Variants in CRIM1 observed in about 807,000 individuals in gnomAD.
The protein encoded by CRIM1 is cysteine rich transmembrane BMP regulator 1.
Under a neutral mutation model 116.4 loss-of-function variants are expected in CRIM1, and 32 were observed. The observed-to-expected ratio is 0.27, with a 90% CI of 0.21 to 0.37. CRIM1 has a LOEUF of 0.37. Among genes scored for constraint, CRIM1 ranks in the 10% least tolerant of loss-of-function variants. The pLI, the probability that CRIM1 is intolerant of heterozygous loss-of-function variation, is 1.00. For missense variants in CRIM1, 1,331 were observed against 1,354.8 expected (o/e 0.98, Z 0.28); for synonymous variants, 590 against 509.2 (o/e 1.16, Z -2.13).
chr2:36,524,221 A>C (rs1665599131), intron 13 of CRIM1, among the ~76,000 whole-genome samples: 1 of 152,038 alleles, frequency 6.6e-6, no homozygotes, highest in Non-Finnish European at 1.5e-5. Context: ...TCTGTACTCT[A>C]CCCCTAAGCT....
intron 2 of CRIM1, among the ~76,000 whole-genome samples, chr2:36,409,161 G>A (rs1340861878): frequency 6.6e-6 from 1 of 152,108 alleles, no homozygotes. Flanking sequence ...TCTTGTTGAA[G>A]GTTAATAGAG....
intron 3 of CRIM1, among the ~76,000 whole-genome samples, chr2:36,441,920 T>C (rs1313458740): frequency 6.6e-6 from 1 of 152,198 alleles, no homozygotes; most frequent in Non-Finnish European, 1.5e-5. Context: ...TATTTTTAGA[T>C]GAATACATGC....
chr2:36,422,645 AC>A (rs1674158634), intron 2 of CRIM1, among the ~76,000 whole-genome samples: 1 of 152,210 alleles, frequency 6.6e-6, no homozygotes, highest in Non-Finnish European at 1.5e-5. Context: ...CCTTAATGAT[AC>A]GATTCTTGAG....
At chr2:36,407,700 C>T (rs1052358572) in intron 2 of CRIM1, among the ~76,000 whole-genome samples, 2 of 124,842 alleles carry the variant, frequency 1.6e-5, no homozygotes, top group African/African-American at 3.4e-5. Context: ...TTCTTGTGCC[C>T]GTCAAAAAAA....
intron 1 of CRIM1, among the ~76,000 whole-genome samples, chr2:36,361,504 T>G (rs932867869): frequency 6.6e-6 from 1 of 151,966 alleles, no homozygotes; most frequent in African/African-American, 2.4e-5. Flanking sequence ...GGGGGATATA[T>G]TGTAGATGAA....
intron 13 of CRIM1, among the ~76,000 whole-genome samples, chr2:36,527,425 C>T (rs1306630371): frequency 6.6e-6 from 1 of 152,002 alleles, no homozygotes; most frequent in Non-Finnish European, 1.5e-5. Context: ...TACTAATATT[C>T]GAAGTGGGAC....
intron 7 of CRIM1, among the ~76,000 whole-genome samples, chr2:36,495,480 T>TA (rs1340135451): frequency 2.8e-5 from 4 of 142,866 alleles, no homozygotes; most frequent in South Asian, 2.2e-4. Flanking sequence ...TATTTATTTT[T>TA]TTTTTTTTTT....
intron 5 of CRIM1, among the ~76,000 whole-genome samples, chr2:36,474,383 A>C (rs574472498): frequency 2.6e-5 from 4 of 152,186 alleles, no homozygotes; most frequent in Admixed American, 2.6e-4. Flanking sequence ...ACATCTAAGA[A>C]ACCACTCCCT....
chr2:36,378,486 G>A (rs553533051), intron 1 of CRIM1: 2 of 453,288 alleles, frequency 4.4e-6, no homozygotes, highest in South Asian at 3.2e-5. Flanking sequence ...AGGTGCCTGG[G>A]CCATACTCTG....
intron 11 of CRIM1, among the ~76,000 whole-genome samples, chr2:36,517,124 C>T (rs1370118730): frequency 6.6e-6 from 1 of 152,172 alleles, no homozygotes; most frequent in Non-Finnish European, 1.5e-5. Context: ...CCACTTGAAC[C>T]TCACGTCCTA....
chr2:36,399,516 G>T (rs1572645210), intron 2 of CRIM1, among the ~76,000 whole-genome samples: 1 of 152,280 alleles, frequency 6.6e-6, no homozygotes, highest in South Asian at 2.1e-4. Context: ...GATGATTCTA[G>T]GGTTTCTAAC....
intron 4 of CRIM1, among the ~76,000 whole-genome samples, chr2:36,461,696 TC>T (rs1391358229): frequency 6.6e-6 from 1 of 152,186 alleles, no homozygotes. Context: ...ATAACAGACT[TC>T]CTGGGCAAAT....
intron 5 of CRIM1, among the ~76,000 whole-genome samples, chr2:36,466,119 C>CT (rs1351627967): frequency 6.6e-6 from 1 of 152,054 alleles, no homozygotes; most frequent in Non-Finnish European, 1.5e-5. Context: ...ATCTCCTGCC[C>CT]TCGTGATCCA....
At chr2:36,417,085 C>G (rs3821160) in intron 2 of CRIM1, among the ~76,000 whole-genome samples, 45,230 of 152,090 alleles carry the variant, frequency 0.3, 6,951 homozygotes, top group South Asian at 0.42. Flanking sequence ...TGGACTCTGT[C>G]CTCTTCAGAA....
intron 1 of CRIM1, among the ~76,000 whole-genome samples, chr2:36,387,207 C>T (rs1476038284): frequency 6.6e-6 from 1 of 152,160 alleles, no homozygotes; most frequent in African/African-American, 2.4e-5. Context: ...CACTGTGAAC[C>T]AGGTATGTAA....
rs747621466 is a variant in CRIM1 at position 36,522,072 on chromosome 2, C to T, written c.2207-20C>T. On this transcript the variant is annotated intron_variant, in intron 12 of 16. Coordinates refer to ENST00000280527, the MANE Select transcript of CRIM1 (RefSeq NM_016441.3). ...GGCCAACAGCATCTTCTTTGCTGAC[C>T]TATATGTTCATTTTTCCAGATCAAC... 4 of 1,606,700 alleles carry T rather than the reference C, an allele frequency of 2.5e-6. No homozygotes were observed. The highest frequency in any genetic ancestry group is 3.4e-6 in the Non-Finnish European group (4 of 1,173,432).
At chr2:36,453,540 C>A (rs990884416) in intron 4 of CRIM1, among the ~76,000 whole-genome samples, 2 of 152,146 alleles carry the variant, frequency 1.3e-5, no homozygotes, top group Admixed American at 1.3e-4. Flanking sequence ...ATTAGATAGA[C>A]AATTAGTCTG....
chr2:36,421,457 A>G (rs919091062), intron 2 of CRIM1, among the ~76,000 whole-genome samples: 1 of 152,210 alleles, frequency 6.6e-6, no homozygotes, highest in Non-Finnish European at 1.5e-5. Flanking sequence ...TGGTAGTAAG[A>G]TGACTAGATA....
chr2:36,499,480 T>G, intron 8 of CRIM1, 133 bp downstream of exon 8: 2 of 907,238 alleles, frequency 2.2e-6, no homozygotes, highest in South Asian at 3.5e-5. Context: ...GGGAAAAAAG[T>G]TATTTTTAAC....
Sources: gnomAD v4.1 joint callset for allele counts (sites outside exome capture counted in the v4.1 genomes callset) on GRCh38, gnomAD v4.1.1 for gene constraint, MANE v1.5 for transcripts, NCBI Gene and HGNC (gene_info 2026-07-23, HGNC 2026-07-21) for gene names.